RNF128: variants seen among roughly 807,000 people sequenced by gnomAD.
RNF128 encodes E3 ubiquitin-protein ligase RNF128.
In RNF128, 13 loss-of-function variants were observed where a neutral mutation model predicts 26.2. The observed-to-expected ratio is 0.50, with a 90% CI of 0.32 to 0.79. RNF128 has a LOEUF of 0.79. Ranked by LOEUF, RNF128 falls within the 30% of genes least tolerant of loss-of-function variation. The pLI is 0.03. For missense variants in RNF128, 315 were observed against 349.7 expected, an observed-to-expected ratio of 0.90 and a Z score of 0.79; for synonymous variants, 149 against 142.5, an observed-to-expected ratio of 1.05 and a Z score of -0.32.
Position 106,795,697 on chromosome X carries a change from G to A in RNF128, c.1271G>A (p.Arg424Gln), listed in dbSNP as rs761232403. The A allele has an allele frequency of 3.2e-5, 38 of 1,193,630 alleles. No individual in the cohort carries two copies. The highest frequency in any genetic ancestry group is 3.9e-5 in the Non-Finnish European group (35 of 887,876). Residue 424 changes from arginine (R) to glutamine (Q), a missense_variant, in exon 7 of 7, where the codon CGA becomes CAA. By Grantham distance (43) the Arg-to-Gln change is conservative. Transcript: ENST00000255499. ...DETPNQETAV[R>Q]EIKS ...ACTCCTAATCAAGAGACTGCTGTTCGAGAAATTAAATCTTAAAATCTGTGT... is the reference window on the plus strand; with the variant it reads ...ACTCCTAATCAAGAGACTGCTGTTCAAGAAATTAAATCTTAAAATCTGTGT...
chrX:106,786,741 C>T (rs765533524), intron 3 of RNF128, among the ~76,000 whole-genome samples: 106 of 110,893 alleles, frequency 9.6e-4, no homozygotes, highest in Non-Finnish European at 1.7e-3. Flanking sequence ...ATAAAGAACT[C>T]TTAAAACTTA....
intron 1 of RNF128, among the ~76,000 whole-genome samples, chrX:106,749,618 G>A (rs774328118): frequency 8.9e-6 from 1 of 112,194 alleles, no homozygotes; most frequent in Non-Finnish European, 1.9e-5. Flanking sequence ...TTAAACATAA[G>A]TATGAGGCCA....
At chrX:106,712,440 C>T (rs189275198) in intron 1 of RNF128, among the ~76,000 whole-genome samples, 97 of 112,394 alleles carry the variant, frequency 8.6e-4, no homozygotes, top group Non-Finnish European at 6.2e-4. Context: ...ATGCTTTAAG[C>T]GTATAATTCT....
At chrX:106,731,637 C>A (rs1031655957) in intron 1 of RNF128, among the ~76,000 whole-genome samples, 1 of 111,240 alleles carries the variant, frequency 9.0e-6, no homozygotes, top group African/African-American at 3.3e-5. Context: ...TAAAACTATC[C>A]CAAGTAGTGT....
At chrX:106,750,295 C>G (rs1400366020) in intron 1 of RNF128, among the ~76,000 whole-genome samples, 1 of 112,102 alleles carries the variant, frequency 8.9e-6, no homozygotes, top group African/African-American at 3.2e-5. Context: ...ATTTAATTTT[C>G]ACTTTTACAG....
intron 1 of RNF128, among the ~76,000 whole-genome samples, chrX:106,728,240 G>GA (rs756653008): frequency 1.8e-5 from 2 of 111,109 alleles, no homozygotes; most frequent in Non-Finnish European, 3.8e-5. Context: ...GGACAAAGGG[G>GA]AAAAAAATGG....
At chrX:106,713,977 C>T (rs1045150712) in intron 1 of RNF128, among the ~76,000 whole-genome samples, 27 of 110,966 alleles carry the variant, frequency 2.4e-4, no homozygotes, top group Admixed American at 2.1e-3. Flanking sequence ...AGATCGAGAC[C>T]ATCCTGGCTA....
intron 1 of RNF128, among the ~76,000 whole-genome samples, chrX:106,702,682 G>A (rs1040942899): frequency 1.8e-5 from 2 of 111,953 alleles, no homozygotes; most frequent in Admixed American, 9.5e-5. Flanking sequence ...AAAATTGTTC[G>A]ATATTCAGGT....
chrX:106,748,705 G>T (rs942970282), intron 1 of RNF128, among the ~76,000 whole-genome samples: 3 of 111,445 alleles, frequency 2.7e-5, no homozygotes, highest in African/African-American at 9.8e-5. Flanking sequence ...ACTCATGTGG[G>T]AGCTAAAAAA....
chrX:106,783,740 G>A (rs1930604735), intron 2 of RNF128, among the ~76,000 whole-genome samples: 1 of 111,548 alleles, frequency 9.0e-6, no homozygotes, highest in Non-Finnish European at 1.9e-5. Context: ...TGGTTCTGCA[G>A]GCTATACAAG....
chrX:106,787,100 A>T (rs1268319830), intron 3 of RNF128, among the ~76,000 whole-genome samples: 1 of 111,179 alleles, frequency 9.0e-6, no homozygotes, highest in Non-Finnish European at 1.9e-5. Context: ...ACTACTAGAT[A>T]TTTACCCTAA....
chrX:106,693,912 T>C, exon 1 of RNF128: 1 of 849,654 alleles, frequency 1.2e-6, no homozygotes. Context: ...AATTTCAAAC[T>C]TCTGTTCAGC....
At position 106,791,139 on chromosome X, in the gene RNF128, A is replaced by G; in HGVS notation, c.1058A>G (p.His353Arg). ...GAAATATCTAATAGTGCCTCCTCCC[A>G]TGAAGAGGATAATCGCAGCGAGACC... is the stretch of plus-strand genomic sequence containing the variant. ...SNEISNSASSHEEDNRSETAS... is the reference protein window; with the variant it reads ...SNEISNSASSREEDNRSETAS... Residue 353 changes from histidine to arginine, a missense_variant, in exon 6 of 7, where the codon CAT (histidine) becomes CGT (arginine). By Grantham distance (29) the His-to-Arg change is conservative. Transcript: ENST00000255499. 8.3e-7 allele frequency: 1 copy of G among 1,207,174 alleles called. No homozygotes were observed. The highest frequency in any genetic ancestry group is 1.1e-6 in the Non-Finnish European group (1 of 891,754).
intron 1 of RNF128, among the ~76,000 whole-genome samples, chrX:106,712,697 A>G (rs1054852954): frequency 9.0e-6 from 1 of 111,164 alleles, no homozygotes; most frequent in African/African-American, 3.3e-5. Context: ...AAAGTTAAGT[A>G]AAAGGGTTAT....
Position 106,770,623 on chromosome X carries a change from A to G in RNF128, c.485-2290A>G, listed in dbSNP as rs190387459. On this transcript the variant is annotated intron_variant, in intron 1 of 6. Transcript: ENST00000255499. The stretch of plus-strand genomic sequence containing the variant: ...TCCGGTCATTTAAGGACTTCTCTAC[A>G]CTGTTTATTCTAGTTAGCCATTCGT... Among the ~76,000 whole-genome samples, 415 of 110,682 alleles carry G rather than the reference A, an allele frequency of 3.7e-3. 1 individual carries two copies. The highest frequency in any genetic ancestry group is 0.013 in the African/African-American group (393 of 30,449).
chrX:106,718,915 G>A (rs1362652561), intron 1 of RNF128, among the ~76,000 whole-genome samples: 3 of 111,519 alleles, frequency 2.7e-5, no homozygotes, highest in Non-Finnish European at 3.8e-5. Context: ...TGTTTACTCC[G>A]AGTTATTGAT....
chrX:106,740,001 A>G (rs1247404543), intron 1 of RNF128, among the ~76,000 whole-genome samples: 1 of 111,703 alleles, frequency 9.0e-6, no homozygotes, highest in African/African-American at 3.3e-5. Flanking sequence ...AACTTTAATG[A>G]CAAATGCAAT....
chrX:106,702,064 C>T (rs1914096465), intron 1 of RNF128, among the ~76,000 whole-genome samples: 1 of 109,801 alleles, frequency 9.1e-6, no homozygotes, highest in Non-Finnish European at 1.9e-5. Context: ...TATTTTAGTA[C>T]CTCTTTTATG....
intron 2 of RNF128, among the ~76,000 whole-genome samples, chrX:106,783,540 G>T (rs1443242864): frequency 9.0e-6 from 1 of 111,185 alleles, no homozygotes; most frequent in African/African-American, 3.3e-5. Flanking sequence ...TCTCCCAAAG[G>T]TCTGGGGGCC....
Sources: allele counts gnomAD v4.1 joint callset (sites outside exome capture counted in the v4.1 genomes callset), GRCh38; gene constraint gnomAD v4.1.1; transcripts MANE v1.5; gene names NCBI Gene and HGNC (gene_info 2026-07-23, HGNC 2026-07-21).